Variants in AHI1 observed in about 807,000 individuals in gnomAD.
AHI1 encodes the protein jouberin.
A neutral mutation model predicts 149.3 loss-of-function variants in AHI1; 123 were observed. That is an observed-to-expected ratio of 0.82 (90% CI 0.71 to 0.96). AHI1 has a LOEUF of 0.96. Ranked by LOEUF, AHI1 falls within the 40% of genes least tolerant of loss-of-function variation. AHI1 has a pLI of 0.00. For missense variants in AHI1, 1,439 were observed against 1,422.7 expected (o/e 1.01, Z -0.18); for synonymous variants, 475 against 459.8 (o/e 1.03, Z -0.42).
chr6:135,475,337 A>G (rs934277988), intron 5 of AHI1, among the ~76,000 whole-genome samples: 2 of 152,152 alleles, frequency 1.3e-5, no homozygotes, highest in Admixed American at 1.3e-4. Flanking sequence ...AAAACAGTTA[A>G]TTCATGAGCC....
At chr6:135,440,808 C>T (rs77531457) in intron 14 of AHI1, among the ~76,000 whole-genome samples, 3,704 of 152,156 alleles carry the variant, frequency 0.024, 67 homozygotes, top group East Asian at 0.054. Flanking sequence ...AATCACAAAG[C>T]TAACTGCAAA....
chr6:135,382,914 AAAAAAAAAAAAAATATAT>A (rs1442129472), intron 23 of AHI1, among the ~76,000 whole-genome samples: 3 of 104,546 alleles, frequency 2.9e-5, no homozygotes, highest in Non-Finnish European at 3.9e-5. Context: ...AAAAAAAAAA[AAAAAAAAAAAAAATATAT>A]ATATATATAT....
intron 23 of AHI1, 92 bp downstream of exon 23, chr6:135,394,684 T>G (rs558040147): frequency 2.0e-6 from 3 of 1,522,278 alleles, no homozygotes; most frequent in African/African-American, 2.7e-5. Flanking sequence ...CCGACCATTA[T>G]GAGCTTTATT....
chr6:135,296,856 T>C (rs1783160187), intron 27 of AHI1, among the ~76,000 whole-genome samples: 1 of 152,262 alleles, frequency 6.6e-6, no homozygotes, highest in African/African-American at 2.4e-5. Flanking sequence ...TGTGACACTG[T>C]AGGTGCTCAG....
intron 25 of AHI1, among the ~76,000 whole-genome samples, chr6:135,320,820 T>C (rs1252525922): frequency 1.3e-5 from 2 of 152,234 alleles, no homozygotes; most frequent in Non-Finnish European, 2.9e-5. Flanking sequence ...ACTACCATTG[T>C]GCCAGCAGCT....
intron 4 of AHI1, among the ~76,000 whole-genome samples, chr6:135,491,034 C>T (rs1381932635): frequency 1.3e-5 from 2 of 152,140 alleles, no homozygotes; most frequent in East Asian, 1.9e-4. Flanking sequence ...CTGTTAGTTA[C>T]GTGTTATGTG....
At chr6:135,462,072 G>T (rs1345677037) in intron 8 of AHI1, among the ~76,000 whole-genome samples, 1 of 151,700 alleles carries the variant, frequency 6.6e-6, no homozygotes, top group South Asian at 2.1e-4. Flanking sequence ...TATATATATA[G>T]AAACACATAA....
chr6:135,438,477 C>T lies in AHI1; in HGVS notation c.1934G>A (p.Arg645His), dbSNP rs772513002. ...PIILYEIPSG[R>H]FMRELCGHLN... ...GTGGCCACACAATTCTCTCATGAAA[C>T]GTCCAGAAGGAATTTCATATACTAA... Residue 645 changes from arginine to histidine, a missense_variant, in exon 15 of 29, where the codon CGT (arginine) becomes CAT (histidine). Coordinates refer to ENST00000265602, the MANE Select transcript of AHI1 (RefSeq NM_001134831.2). 1.9e-5 allele frequency: 29 copies of T among 1,547,184 alleles called. No individual in the cohort carries two copies. Among genetic ancestry groups the T allele is most frequent in the South Asian group, 4.8e-5 (4 of 83,120 alleles).
intron 23 of AHI1, among the ~76,000 whole-genome samples, chr6:135,390,705 T>C (rs1003782622): frequency 7.2e-5 from 11 of 152,236 alleles, no homozygotes. Flanking sequence ...GGTTTCACTG[T>C]ACAGAAATTG....
intron 5 of AHI1, 23 bp from the exon 6 acceptor site, chr6:135,467,657 G>C: frequency 6.4e-7 from 1 of 1,556,652 alleles, no homozygotes; most frequent in Non-Finnish European, 8.8e-7. Context: ...ACATAATAAA[G>C]TTTCAGCTAA....
intron 24 of AHI1, among the ~76,000 whole-genome samples, chr6:135,356,673 T>G (rs1379107799): frequency 6.6e-6 from 1 of 152,206 alleles, no homozygotes; most frequent in African/African-American, 2.4e-5. Context: ...CTTTAATTTT[T>G]TAATACTAAA....
intron 24 of AHI1, among the ~76,000 whole-genome samples, chr6:135,346,729 TACAA>T (rs1256041187): frequency 2.0e-5 from 3 of 152,284 alleles, no homozygotes; most frequent in South Asian, 4.1e-4. Flanking sequence ...TCTTGGGGGA[TACAA>T]ACAATCACCT....
chr6:135,318,591 C>G lies in AHI1; in HGVS notation c.3354G>C (p.Glu1118Asp), dbSNP rs1414135012. The change falls in exon 26 of 29, where the codon GAG (glutamate) becomes GAC (aspartate). Residue 1118 changes from glutamate to aspartate, a missense_variant. Glu to Asp is a conservative substitution (Grantham distance 45, BLOSUM62 2). Transcript: ENST00000265602. Reference protein sequence around the residue: ...SETLYQELPPEIKERSPPLSP... With the variant: ...SETLYQELPPDIKERSPPLSP... ...TTAAAGGAGGGGATCGCTCCTTTAT[C>G]TCAGGAGGCAGTTCTTGATACAGTG... 1 of 1,604,626 alleles carries G rather than the reference C, an allele frequency of 6.2e-7. No homozygotes were observed. Among genetic ancestry groups the G allele is most frequent in the Admixed American group, 1.7e-5 (1 of 58,844 alleles).
Position 135,294,324 on chromosome 6 carries a change from T to A in AHI1, c.3486-3799A>T, listed in dbSNP as rs138222530. On this transcript the variant is annotated intron_variant, in intron 27 of 28. Coordinates refer to ENST00000265602, the MANE Select transcript of AHI1 (RefSeq NM_001134831.2). ...CCGGGTGACAGTGCAAGACTCCATCTCAAAACAAAACAAAACAAAACAAAA... is the reference window on the plus strand; with the variant it reads ...CCGGGTGACAGTGCAAGACTCCATCACAAAACAAAACAAAACAAAACAAAA... Among the ~76,000 whole-genome samples, 675 of 148,096 alleles carry A rather than the reference T, an allele frequency of 4.6e-3. 9 individuals carry two copies. Among genetic ancestry groups the A allele is most frequent in the African/African-American group, 0.016 (635 of 39,766 alleles).
chr6:135,315,175 C>T (rs1398750185), intron 26 of AHI1, among the ~76,000 whole-genome samples: 2 of 152,098 alleles, frequency 1.3e-5, no homozygotes, highest in Non-Finnish European at 2.9e-5. Flanking sequence ...ACAACCTGTC[C>T]AACACTCTGG....
Position 135,330,258 on chromosome 6 carries a change from C to T in AHI1, c.3166-6934G>A, listed in dbSNP as rs567332411. On this transcript the variant is annotated intron_variant, in intron 24 of 28. Coordinates refer to ENST00000265602, the MANE Select transcript of AHI1 (RefSeq NM_001134831.2). Reference sequence around the variant, plus strand: ...ATCTTTTGTGAAAGGAAGAGTCAATCGATGTGGCAAATTTCATTTTTGTCT... The same window carrying T: ...ATCTTTTGTGAAAGGAAGAGTCAATTGATGTGGCAAATTTCATTTTTGTCT... Among the ~76,000 whole-genome samples, 7 of 152,290 alleles carry T rather than the reference C, an allele frequency of 4.6e-5. No homozygotes were observed. In the East Asian group the frequency reaches 5.8e-4, roughly 13 times the overall value.
intron 26 of AHI1, among the ~76,000 whole-genome samples, chr6:135,316,380 T>C (rs1489829857): frequency 6.6e-6 from 1 of 152,122 alleles, no homozygotes; most frequent in Non-Finnish European, 1.5e-5. Flanking sequence ...ATGGCTTCCA[T>C]GAGAGTTCAC....
intron 24 of AHI1, among the ~76,000 whole-genome samples, chr6:135,356,028 A>G (rs1792911009): frequency 6.6e-6 from 1 of 152,212 alleles, no homozygotes; most frequent in African/African-American, 2.4e-5. Flanking sequence ...TAGAACTGCC[A>G]TTCATGGCAG....
chr6:135,459,632 C>T (rs1425598210), intron 8 of AHI1, among the ~76,000 whole-genome samples: 2 of 151,036 alleles, frequency 1.3e-5, no homozygotes, highest in Non-Finnish European at 2.9e-5. Context: ...ACTGCCAATA[C>T]CATGAATGAA....
Sources: allele counts gnomAD v4.1 joint callset (sites outside exome capture counted in the v4.1 genomes callset), GRCh38; gene constraint gnomAD v4.1.1; transcripts MANE v1.5; gene names NCBI Gene and HGNC (gene_info 2026-07-23, HGNC 2026-07-21).